The following RGS8 variants were observed in gnomAD, a reference collection of about 807,000 sequenced individuals.
RGS8 encodes regulator of G protein signaling 8, also known as regulator of G-protein signaling 8.
Under a neutral mutation model 21.7 loss-of-function variants are expected in RGS8, and 8 were observed. The ratio of observed to expected loss-of-function variants is 0.37; its 90% CI spans 0.22 to 0.66. RGS8 has a LOEUF of 0.66. RGS8 is among the 30% of genes least tolerant of loss of function. The pLI is 0.59. For synonymous variants in RGS8, 80 were observed against 83.6 expected (o/e 0.96, Z 0.24); for missense variants, 157 against 217.9 (o/e 0.72, Z 1.76).
intron 2 of RGS8, among the ~76,000 whole-genome samples, chr1:182,670,686 C>CTTTA (rs1387679970): frequency 6.6e-6 from 1 of 152,134 alleles, no homozygotes; most frequent in Non-Finnish European, 1.5e-5. Flanking sequence ...ATTACCGCGA[C>CTTTA]TATTTCACAA....
chr1:182,741,161 G>A, the RGS8 span, among the ~76,000 whole-genome samples: 5 of 147,882 alleles, frequency 3.4e-5, no homozygotes, highest in East Asian at 6.2e-4. Flanking sequence ...CCTCCCGGAC[G>A]GGGCGGCTGG....
the RGS8 span, among the ~76,000 whole-genome samples, chr1:182,690,811 T>G: frequency 6.6e-6 from 1 of 152,222 alleles, no homozygotes; most frequent in African/African-American, 2.4e-5. Context: ...TACACGGTAC[T>G]CTCTCCCACC....
chr1:182,678,831 G>A (rs539873490), intron 1 of RGS8, among the ~76,000 whole-genome samples: 1 of 152,226 alleles, frequency 6.6e-6, no homozygotes, highest in South Asian at 2.1e-4. Context: ...AGGTAGAGTG[G>A]AGAGAGAGAG....
chr1:182,718,048 GAGGACCTA>G, the RGS8 span, among the ~76,000 whole-genome samples: 3 of 152,178 alleles, frequency 2.0e-5, no homozygotes, highest in Non-Finnish European at 4.4e-5. Context: ...ACCTTACCTT[GAGGACCTA>G]AGTCTGTGCT....
At chr1:182,643,501 C>G (rs769503519), downstream of RGS8, 1 of 151,946 alleles carries the variant, frequency 6.6e-6, no homozygotes, top group Admixed American at 6.6e-5. Flanking sequence ...TTAAAAACTC[C>G]CTAGGTGATT....
the RGS8 span, among the ~76,000 whole-genome samples, chr1:182,751,607 T>C: frequency 7.0e-6 from 1 of 141,974 alleles, no homozygotes; most frequent in Non-Finnish European, 1.6e-5. Flanking sequence ...CACATACATT[T>C]AATATTTTTT....
the RGS8 span, among the ~76,000 whole-genome samples, chr1:182,746,536 T>C: frequency 6.6e-6 from 1 of 151,980 alleles, no homozygotes; most frequent in African/African-American, 2.4e-5. Flanking sequence ...GCAGGGTGGC[T>C]TATGCCTGTA....
intron 5 of RGS8, among the ~76,000 whole-genome samples, chr1:182,664,640 T>C (rs1282552414): frequency 6.6e-6 from 1 of 152,250 alleles, no homozygotes; most frequent in Non-Finnish European, 1.5e-5. Flanking sequence ...AATATTATTA[T>C]ACATTTGTCA....
the RGS8 span, chr1:182,712,927 T>C: frequency 6.6e-6 from 1 of 152,154 alleles, no homozygotes; most frequent in Admixed American, 6.5e-5. Context: ...CTGAAATATA[T>C]GGCTGAAACT....
the RGS8 span, among the ~76,000 whole-genome samples, chr1:182,700,566 G>C: frequency 6.6e-6 from 1 of 152,224 alleles, no homozygotes; most frequent in Non-Finnish European, 1.5e-5. Flanking sequence ...AGAAGACACA[G>C]GGTGCATCTT....
chr1:182,643,323 G>GCCCCCCCC (rs567593931), downstream of RGS8: 32 of 31,498 alleles, frequency 1.0e-3, no homozygotes, highest in African/African-American at 1.6e-3. Flanking sequence ...CCCTCCCCCA[G>GCCCCCCCC]CCCCCCCGCC....
chr1:182,723,442 G>A, the RGS8 span, among the ~76,000 whole-genome samples: 1 of 152,218 alleles, frequency 6.6e-6, no homozygotes, highest in African/African-American at 2.4e-5. Context: ...CACAGGCTGG[G>A]AAGTTTCTCT....
intron 5 of RGS8, among the ~76,000 whole-genome samples, chr1:182,650,545 A>T (rs1185449729): frequency 6.6e-6 from 1 of 152,198 alleles, no homozygotes; most frequent in African/African-American, 2.4e-5. Context: ...TAAGTTTGGA[A>T]GCCTGAGCTT....
At chr1:182,648,107 T>G (rs374496700) in intron 6 of RGS8, 30 bp downstream of exon 7, 40 of 1,572,828 alleles carry the variant, frequency 2.5e-5, no homozygotes, top group South Asian at 7.2e-5. Context: ...GAGCCATGGA[T>G]AGACAGGATG....
the RGS8 span, among the ~76,000 whole-genome samples, chr1:182,706,978 C>T: frequency 0.016 from 2,359 of 151,710 alleles, 63 homozygotes; most frequent in African/African-American, 0.054. Flanking sequence ...CCCAACATGG[C>T]GAAATCCCAT....
At chr1:182,731,659 C>A in the RGS8 span, among the ~76,000 whole-genome samples, 1 of 152,192 alleles carries the variant, frequency 6.6e-6, no homozygotes, top group Admixed American at 6.5e-5. Context: ...CAATTCTCAA[C>A]AATGAGAGGC....
the RGS8 span, among the ~76,000 whole-genome samples, chr1:182,740,748 T>C: frequency 6.6e-6 from 1 of 150,854 alleles, no homozygotes; most frequent in Non-Finnish European, 1.5e-5. Context: ...TAGGGAGTGG[T>C]GATGACTCTT....
chr1:182,702,465 C>G, the RGS8 span, among the ~76,000 whole-genome samples: 1 of 152,118 alleles, frequency 6.6e-6, no homozygotes, highest in Non-Finnish European at 1.5e-5. Flanking sequence ...CAGTCATACC[C>G]CAAAACCCAG....
At chr1:182,686,776 G>A (rs556925096), upstream of RGS8, among the ~76,000 whole-genome samples, 42 of 152,156 alleles carry the variant, frequency 2.8e-4, no homozygotes, top group African/African-American at 1.0e-3. Context: ...AAGAGATGAG[G>A]GGAGTAAATG....
Sources: gnomAD v4.1 joint callset for allele counts (sites outside exome capture counted in the v4.1 genomes callset) on GRCh38, gnomAD v4.1.1 for gene constraint, MANE v1.5 for transcripts, NCBI Gene and HGNC (gene_info 2026-07-23, HGNC 2026-07-21) for gene names.